ROBO2: variants seen among roughly 807,000 people sequenced by gnomAD.
ROBO2 encodes the protein roundabout guidance receptor 2.
A neutral mutation model predicts 160.8 loss-of-function variants in ROBO2; 53 were observed. That is an observed-to-expected ratio of 0.33 (90% CI 0.26 to 0.41). The LOEUF (loss-of-function observed/expected upper bound fraction) is 0.41. ROBO2 is among the 10% of genes least tolerant of loss of function. The pLI, the probability that ROBO2 is intolerant of heterozygous loss-of-function variation, is 1.00. For synonymous variants in ROBO2, 664 were observed against 611.7 expected, an observed-to-expected ratio of 1.09 and a Z score of -1.26; for missense variants, 1,577 against 1,722.4, an observed-to-expected ratio of 0.92 and a Z score of 1.49.
chr3:76,958,693 C>A (rs2079450504), intron 2 of ROBO2, among the ~76,000 whole-genome samples: 1 of 152,216 alleles, frequency 6.6e-6, no homozygotes, highest in Non-Finnish European at 1.5e-5. Flanking sequence ...TTTTCCATTT[C>A]TATCCAGTTA....
chr3:76,223,454 A>G (rs981292655), intron 2 of ROBO2, among the ~76,000 whole-genome samples: 5 of 151,940 alleles, frequency 3.3e-5, no homozygotes, highest in African/African-American at 1.2e-4. Flanking sequence ...GAGAAGCCAC[A>G]ACCACTGAGA....
intron 2 of ROBO2, among the ~76,000 whole-genome samples, chr3:75,966,053 G>A (rs1199264762): frequency 2.0e-5 from 3 of 151,566 alleles, no homozygotes; most frequent in Non-Finnish European, 4.4e-5. Flanking sequence ...TTATTTCTGC[G>A]AGAGGTCACA....
chr3:77,395,376 AT>A (rs1170935017), intron 2 of ROBO2, among the ~76,000 whole-genome samples: 12 of 152,176 alleles, frequency 7.9e-5, no homozygotes, highest in Non-Finnish European at 1.5e-4. Flanking sequence ...ATGTTACTTT[AT>A]TAAAAATTGA....
intron 2 of ROBO2, among the ~76,000 whole-genome samples, chr3:76,102,903 C>A (rs1156963858): frequency 6.6e-6 from 1 of 151,752 alleles, no homozygotes; most frequent in Non-Finnish European, 1.5e-5. Flanking sequence ...CGGCTCACTG[C>A]AAGCTCTGCC....
chr3:77,226,208 A>G (rs1560285242), intron 2 of ROBO2, among the ~76,000 whole-genome samples: 1 of 152,094 alleles, frequency 6.6e-6, no homozygotes, highest in African/African-American at 2.4e-5. Context: ...AGGTTTTCTT[A>G]GAAAACAAAC....
intron 2 of ROBO2, among the ~76,000 whole-genome samples, chr3:76,332,966 A>AC (rs34814563): frequency 2.0e-5 from 3 of 152,096 alleles, no homozygotes; most frequent in Admixed American, 6.6e-5. Flanking sequence ...AAATTGATGA[A>AC]CCCCCCTTCC....
intron 2 of ROBO2, among the ~76,000 whole-genome samples, chr3:76,536,448 C>A (rs2082506460): frequency 1.3e-5 from 2 of 152,126 alleles, no homozygotes; most frequent in South Asian, 4.1e-4. Flanking sequence ...CTAAGGGTAG[C>A]CACCAAGTGG....
chr3:77,260,642 C>T (rs2058715007), intron 2 of ROBO2, among the ~76,000 whole-genome samples: 1 of 152,180 alleles, frequency 6.6e-6, no homozygotes, highest in African/African-American at 2.4e-5. Context: ...CAAAGGGAAT[C>T]AGCTCTGAGA....
intron 2 of ROBO2, among the ~76,000 whole-genome samples, chr3:76,049,641 C>T (rs1298393477): frequency 1.3e-5 from 2 of 151,890 alleles, no homozygotes; most frequent in East Asian, 1.9e-4. Flanking sequence ...TTATATCACA[C>T]TCTTTACAGA....
intron 2 of ROBO2, among the ~76,000 whole-genome samples, chr3:77,285,195 T>A (rs946888980): frequency 1.3e-5 from 2 of 152,188 alleles, no homozygotes; most frequent in African/African-American, 4.8e-5. Flanking sequence ...ATGTTACCGG[T>A]CTTCTTGTGG....
intron 2 of ROBO2, among the ~76,000 whole-genome samples, chr3:75,962,554 T>A (rs1406935668): frequency 6.6e-6 from 1 of 151,832 alleles, no homozygotes; most frequent in Admixed American, 6.6e-5. Context: ...TGTGTATATC[T>A]GTTATTTCAA....
chr3:77,505,322 T>G (rs974381248), intron 5 of ROBO2, among the ~76,000 whole-genome samples: 2 of 151,928 alleles, frequency 1.3e-5, no homozygotes, highest in Non-Finnish European at 2.9e-5. Flanking sequence ...CAAGTGGTCA[T>G]ACAAGAAAAC....
intron 2 of ROBO2, among the ~76,000 whole-genome samples, chr3:77,156,946 A>G (rs1211959403): frequency 1.3e-5 from 2 of 151,984 alleles, no homozygotes; most frequent in African/African-American, 2.4e-5. Flanking sequence ...CAACATCAAT[A>G]TCACTCGGGA....
chr3:76,254,726 ACT>A, intron 2 of ROBO2, among the ~76,000 whole-genome samples: 1 of 133,378 alleles, frequency 7.5e-6, no homozygotes, highest in Non-Finnish European at 1.8e-5. Context: ...AGACCTAAAT[ACT>A]CTCTCTCAGA....
chr3:75,981,871 AT>A (rs141629118), intron 2 of ROBO2, among the ~76,000 whole-genome samples: 2 of 149,450 alleles, frequency 1.3e-5, no homozygotes, highest in Admixed American at 7.2e-5. Context: ...TATTCATTCT[AT>A]TTTTTTTACC....
chr3:77,647,406 T>A (rs1234634369), exon 26 of ROBO2: 1 of 152,080 alleles, frequency 6.6e-6, no homozygotes, highest in Non-Finnish European at 1.5e-5. Flanking sequence ...CTAAAATACG[T>A]TTGACCCATT....
At position 77,145,367 on chromosome 3, in the gene ROBO2, T is replaced by C. The variant is rs142355478; in HGVS notation, c.388+47027T>C. On this transcript the variant is annotated intron_variant, in intron 2 of 25. Coordinates refer to ENST00000461745, the Ensembl canonical transcript of ROBO2. ...TGGTTAACAAAAAAATGTGTATTTATATTTTCAAGGATATTATTGTGATTT... is the reference window on the plus strand; with the variant it reads ...TGGTTAACAAAAAAATGTGTATTTACATTTTCAAGGATATTATTGTGATTT... 9.6e-4 allele frequency among the ~76,000 whole-genome samples: 147 copies of C among 152,344 alleles called. 1 individual carries two copies. The highest frequency in any genetic ancestry group is 3.4e-3 in the African/African-American group (141 of 41,578).
chr3:77,028,490 C>A (rs1395997942), intron 2 of ROBO2, among the ~76,000 whole-genome samples: 1 of 152,008 alleles, frequency 6.6e-6, no homozygotes, highest in South Asian at 2.1e-4. Flanking sequence ...CTGAGGCAGG[C>A]GGATCACCTG....
chr3:77,060,701 A>G (rs1001604230), intron 1 of ROBO2, among the ~76,000 whole-genome samples: 1 of 152,158 alleles, frequency 6.6e-6, no homozygotes, highest in Non-Finnish European at 1.5e-5. Context: ...CTACCCCATC[A>G]TCTTATTTCA....
Sources: allele counts gnomAD v4.1 joint callset (sites outside exome capture counted in the v4.1 genomes callset), GRCh38; gene constraint gnomAD v4.1.1; transcripts MANE v1.5; gene names NCBI Gene and HGNC (gene_info 2026-07-23, HGNC 2026-07-21).